Variants in ARHGEF10 observed in about 807,000 individuals in gnomAD.
ARHGEF10 encodes the protein Rho guanine nucleotide exchange factor (GEF) 10.
In ARHGEF10, 140 loss-of-function variants were observed where a neutral mutation model predicts 147.4. The observed-to-expected ratio is 0.95, with a 90% CI of 0.83 to 1.09. ARHGEF10 has a LOEUF of 1.09. Ranked by LOEUF, ARHGEF10 falls within the 50% of genes least tolerant of loss-of-function variation. ARHGEF10 has a pLI of 0.00. For missense variants in ARHGEF10, 2,222 were observed against 1,752.7 expected, an observed-to-expected ratio of 1.27 and a Z score of -4.78; for synonymous variants, 902 against 695.8, an observed-to-expected ratio of 1.30 and a Z score of -4.67.
chr8:1,844,874 C>G (rs777800106), intron 2 of ARHGEF10, among the ~76,000 whole-genome samples: 2 of 152,030 alleles, frequency 1.3e-5, no homozygotes, highest in East Asian at 1.9e-4. Flanking sequence ...TGAGACCAGC[C>G]TGGGCAACGT....
chr8:1,827,872 C>G (rs1802858393), intron 1 of ARHGEF10, among the ~76,000 whole-genome samples: 1 of 152,184 alleles, frequency 6.6e-6, no homozygotes, highest in Admixed American at 6.5e-5. Flanking sequence ...AGAGCTGTGA[C>G]TGGTGCGGGG....
chr8:1,902,287 C>T (rs993964304), intron 15 of ARHGEF10, among the ~76,000 whole-genome samples: 1 of 151,972 alleles, frequency 6.6e-6, no homozygotes, highest in African/African-American at 2.4e-5. Context: ...GTCAGCGTGT[C>T]GAATGTGAAC....
intron 18 of ARHGEF10, among the ~76,000 whole-genome samples, chr8:1,914,079 G>T (rs1336384884): frequency 6.6e-6 from 1 of 152,208 alleles, no homozygotes; most frequent in Non-Finnish European, 1.5e-5. Context: ...AACACTACTA[G>T]CAAAGAACCA....
At chr8:1,827,470 G>T (rs893052705) in intron 1 of ARHGEF10, among the ~76,000 whole-genome samples, 21 of 152,058 alleles carry the variant, frequency 1.4e-4, no homozygotes, top group African/African-American at 5.1e-4. Context: ...CACCGTGCCC[G>T]GCTAATTTTT....
At position 1,903,361 on chromosome 8, in the gene ARHGEF10, A is replaced by G. The variant is rs373020483; in HGVS notation, c.1731A>G (p.Ala577=). 6 of 1,614,190 alleles carry G rather than the reference A, an allele frequency of 3.7e-6. No individual in the cohort carries two copies. The highest frequency in any genetic ancestry group is 5.1e-6 in the Non-Finnish European group (6 of 1,180,048). ...QMALTELETL[A]EKLNERKRDA... ...CCCTGACAGAGCTCGAAACACTAGC[A>G]GAGAAGTTAAATGAAAGAAAGAGAG... Residue 577 remains alanine, a synonymous_variant, in exon 16 of 29, where the codon GCA becomes GCG. Coordinates refer to ENST00000349830, the MANE Select transcript of ARHGEF10 (RefSeq NM_014629.4).
chr8:1,924,018 C>T (rs151181959), intron 21 of ARHGEF10, 144 bp downstream of exon 21: 1 of 817,270 alleles, frequency 1.2e-6, no homozygotes, highest in Non-Finnish European at 2.1e-6. Flanking sequence ...CAGGAAAATT[C>T]ACCCTGGCAC....
In ARHGEF10 at chr8:1,945,402, C is replaced by T. The variant is rs1295097583; in HGVS notation, c.3223-79C>T. ...TTGCAGCCACTGAATGGCGCTCCAG[C>T]TGGACGCCACGTGGACCCAACAGGC... On this transcript the variant is annotated intron_variant, in intron 26 of 28. Transcript: ENST00000349830. The T allele has an allele frequency of 2.6e-6, 4 of 1,522,840 alleles. No homozygotes were observed. In the East Asian group the frequency reaches 7.4e-5, roughly 28 times the overall value. 94.3% of individuals were successfully genotyped at this position (1,522,840 alleles called of 1,614,324 possible).
rs3735872 is a variant in ARHGEF10, at chr8:1,875,983, A to G, written c.680-588A>G. 813 of 157,712 alleles carry G rather than the reference A, an allele frequency of 5.2e-3. 51 individuals carry two copies. In the East Asian group the frequency reaches 0.12, roughly 24 times the overall value. The allele number at this position is 157,712 out of a possible 1,614,324, so 9.8% of individuals were successfully genotyped here. On this transcript the variant is annotated intron_variant, in intron 7 of 28. Transcript: ENST00000349830. ...TGACTGATAAAAGAGTTAGAGAGACACTCATATTCTGGGAGTTTGAAGAAT... is the reference window on the plus strand; with the variant it reads ...TGACTGATAAAAGAGTTAGAGAGACGCTCATATTCTGGGAGTTTGAAGAAT...
At chr8:1,949,083 A>C (rs17830077) in intron 27 of ARHGEF10, among the ~76,000 whole-genome samples, 12,867 of 152,140 alleles carry the variant, frequency 0.085, 718 homozygotes, top group East Asian at 0.28. Context: ...TATTGCTGGA[A>C]TATAAAAGTC....
chr8:1,952,174 A>G lies in ARHGEF10; in HGVS notation c.3398-531A>G, dbSNP rs377020520. Among the ~76,000 whole-genome samples the G allele has an allele frequency of 9.7e-4, 148 of 152,272 alleles. 2 individuals carry two copies. The South Asian group carries it at 0.03, about 30-fold the overall frequency. On this transcript the variant is annotated intron_variant, in intron 27 of 28. Transcript: ENST00000349830. ...TGTCCAGCGCTGAGGCTGTGTGACG[A>G]TGTTGTTCTTCACGCAGAGCCCTGG...
chr8:1,954,116 C>T (rs768505030), intron 28 of ARHGEF10, among the ~76,000 whole-genome samples: 1 of 151,528 alleles, frequency 6.6e-6, no homozygotes, highest in African/African-American at 2.4e-5. Flanking sequence ...CTTTTTGAGA[C>T]GTAGTCTCAC....
chr8:1,888,124 T>C (rs12680817), intron 11 of ARHGEF10, among the ~76,000 whole-genome samples: 9,989 of 67,696 alleles, frequency 0.15, 1,854 homozygotes, highest in African/African-American at 0.49. Context: ...CTTAGTGGGG[T>C]GAGGGTTTGC....
At chr8:1,869,147 A>T (rs1026959344) in intron 6 of ARHGEF10, 47 bp from the exon 7 acceptor site, 1 of 1,538,522 alleles carries the variant, frequency 6.5e-7, no homozygotes, top group African/African-American at 1.4e-5. Flanking sequence ...AAATTGCACT[A>T]GGTTTTGTTG....
chr8:1,902,897 A>G (rs950590713), intron 15 of ARHGEF10, among the ~76,000 whole-genome samples: 9 of 152,110 alleles, frequency 5.9e-5, no homozygotes, highest in Non-Finnish European at 1.2e-4. Context: ...AAACTGGGAG[A>G]CTGGTGTTTT....
intron 11 of ARHGEF10, among the ~76,000 whole-genome samples, chr8:1,887,893 T>C (rs1323361890): frequency 1.4e-5 from 2 of 142,792 alleles, no homozygotes; most frequent in Non-Finnish European, 3.0e-5. Flanking sequence ...GCCGTGAGAG[T>C]TGCAAGGAAA....
At chr8:1,846,131 C>T (rs879627819) in intron 2 of ARHGEF10, among the ~76,000 whole-genome samples, 7 of 152,206 alleles carry the variant, frequency 4.6e-5, no homozygotes, top group African/African-American at 9.6e-5. Flanking sequence ...AGGGTGTCCT[C>T]GGGAGACCCT....
At chr8:1,898,748 T>G (rs1391200321) in intron 15 of ARHGEF10, among the ~76,000 whole-genome samples, 1 of 151,924 alleles carries the variant, frequency 6.6e-6, no homozygotes, top group Non-Finnish European at 1.5e-5. Context: ...AGGCCAGCCT[T>G]GGGGGACAGA....
chr8:1,936,213 C>T (rs1402800383), intron 26 of ARHGEF10, among the ~76,000 whole-genome samples: 1 of 152,162 alleles, frequency 6.6e-6, no homozygotes, highest in Non-Finnish European at 1.5e-5. Flanking sequence ...TGGACCAACT[C>T]ATCATTAAAA....
At chr8:1,922,734 G>C (rs1021819377) in intron 18 of ARHGEF10, among the ~76,000 whole-genome samples, 7 of 152,160 alleles carry the variant, frequency 4.6e-5, no homozygotes, top group African/African-American at 1.4e-4. Flanking sequence ...AGCCAGGCCT[G>C]GGCATTCAGG....
Sources: allele counts gnomAD v4.1 joint callset (sites outside exome capture counted in the v4.1 genomes callset), GRCh38; gene constraint gnomAD v4.1.1; transcripts MANE v1.5; gene names NCBI Gene and HGNC (gene_info 2026-07-23, HGNC 2026-07-21).